The following FOXP2 variants were observed in gnomAD, a reference collection of about 807,000 sequenced individuals.
The protein encoded by FOXP2 is forkhead box protein P2.
Under a neutral mutation model 115.8 loss-of-function variants are expected in FOXP2, and 12 were observed. That is an observed-to-expected ratio of 0.10 (90% CI 0.07 to 0.17). The LOEUF (loss-of-function observed/expected upper bound fraction) is 0.17, where lower values mean the gene tolerates loss of function less well. Among genes scored for constraint, FOXP2 ranks in the 10% least tolerant of loss-of-function variants. FOXP2 has a pLI of 1.00. For synonymous variants in FOXP2, 328 were observed against 297.7 expected (o/e 1.10, Z -1.05); for missense variants, 629 against 843.5 (o/e 0.75, Z 3.15).
At chr7:114,351,197 G>T (rs1355601713) in intron 2 of FOXP2, among the ~76,000 whole-genome samples, 4 of 152,130 alleles carry the variant, frequency 2.6e-5, no homozygotes, top group Non-Finnish European at 5.9e-5. Context: ...GTTGCAATGG[G>T]ATTTGACCAA....
At chr7:114,286,201 C>T (rs1380294036) in intron 1 of FOXP2, among the ~76,000 whole-genome samples, 1 of 151,852 alleles carries the variant, frequency 6.6e-6, no homozygotes, top group Non-Finnish European at 1.5e-5. Context: ...ATAACACTCT[C>T]ATGTATGTAT....
At chr7:114,310,225 A>G (rs958366354) in intron 2 of FOXP2, among the ~76,000 whole-genome samples, 7 of 152,312 alleles carry the variant, frequency 4.6e-5, no homozygotes, top group East Asian at 3.9e-4. Flanking sequence ...TGAGGGACCA[A>G]TTGAGTTAGC....
chr7:114,273,139 T>A (rs191528442), intron 1 of FOXP2, among the ~76,000 whole-genome samples: 111 of 152,162 alleles, frequency 7.3e-4, no homozygotes, highest in African/African-American at 2.6e-3. Flanking sequence ...TAAGTTATAT[T>A]TTCATTTTCT....
chr7:114,304,821 G>A (rs551640277), intron 2 of FOXP2, among the ~76,000 whole-genome samples: 14 of 151,258 alleles, frequency 9.3e-5, no homozygotes, highest in African/African-American at 3.4e-4. Context: ...GTTCTCCTTT[G>A]CACATCCACA....
At chr7:114,293,805 A>C (rs1246761997) in intron 2 of FOXP2, among the ~76,000 whole-genome samples, 1 of 152,186 alleles carries the variant, frequency 6.6e-6, no homozygotes, top group African/African-American at 2.4e-5. Context: ...TGGAACTGTG[A>C]GTCAATTAAA....
rs564448805 is a variant in FOXP2, at chr7:114,432,801, A to T, written c.168+6122A>T. ...GACATATAGAGTTGTCGTCTACCAC[A>T]TGATGACACTAAAGATATATGATAT... is the stretch of plus-strand genomic sequence containing the variant. On this transcript the variant is annotated intron_variant, in intron 2 of 16. Coordinates refer to ENST00000350908, the MANE Select transcript of FOXP2 (RefSeq NM_014491.4). Among the ~76,000 whole-genome samples, 4 of 152,102 alleles carry T rather than the reference A, an allele frequency of 2.6e-5. No individual in the cohort carries two copies. In the South Asian group the frequency reaches 6.2e-4, roughly 24 times the overall value.
intron 10 of FOXP2, chr7:114,656,742 G>T: frequency 5.0e-6 from 1 of 198,552 alleles, no homozygotes; most frequent in Non-Finnish European, 1.1e-5. Context: ...TCTTCTGGCT[G>T]CTGCCCAAGA....
At chr7:114,518,625 C>T (rs1181372533) in intron 2 of FOXP2, among the ~76,000 whole-genome samples, 2 of 152,084 alleles carry the variant, frequency 1.3e-5, no homozygotes, top group African/African-American at 2.4e-5. Flanking sequence ...GCCTCAGTCT[C>T]CTGAGTAGCT....
chr7:114,669,792 T>C (rs889765766), intron 16 of FOXP2: 3 of 151,968 alleles, frequency 2.0e-5, no homozygotes, highest in African/African-American at 7.2e-5. Context: ...AGGCAAGAAG[T>C]GGAATTTAAT....
chr7:114,467,180 T>C (rs1196459800), intron 2 of FOXP2, among the ~76,000 whole-genome samples: 1 of 152,204 alleles, frequency 6.6e-6, no homozygotes, highest in African/African-American at 2.4e-5. Flanking sequence ...TTGTTTAATG[T>C]GTGGTTTTTT....
At chr7:114,131,567 A>G (rs986738363) in intron 1 of FOXP2, among the ~76,000 whole-genome samples, 4 of 152,132 alleles carry the variant, frequency 2.6e-5, no homozygotes, top group Non-Finnish European at 5.9e-5. Context: ...AAAAAAAAAG[A>G]AAAACATATG....
At chr7:114,086,546 G>C (rs768009434), upstream of FOXP2, 7 of 410,336 alleles carry the variant, frequency 1.7e-5, no homozygotes, top group Admixed American at 1.7e-4. Context: ...GTGTTGTTTG[G>C]GGGCTTCTGC....
At chr7:114,639,150 G>C (rs919054832) in intron 6 of FOXP2, among the ~76,000 whole-genome samples, 1 of 152,158 alleles carries the variant, frequency 6.6e-6, no homozygotes, top group African/African-American at 2.4e-5. Flanking sequence ...AACCATCTAA[G>C]AGTCTTAAAC....
upstream of FOXP2, among the ~76,000 whole-genome samples, chr7:114,161,697 TTTA>T (rs1461328472): frequency 5.3e-5 from 8 of 152,042 alleles, no homozygotes; most frequent in Non-Finnish European, 1.0e-4. Flanking sequence ...TGAATTCCAG[TTTA>T]TTATTTAGTG....
chr7:114,572,390 T>A (rs569712695), intron 3 of FOXP2, among the ~76,000 whole-genome samples: 2 of 151,826 alleles, frequency 1.3e-5, no homozygotes, highest in East Asian at 3.9e-4. Context: ...TGTAACAACA[T>A]TTGAAAGAAA....
At chr7:114,387,408 C>G (rs1297366743) in intron 2 of FOXP2, among the ~76,000 whole-genome samples, 1 of 152,164 alleles carries the variant, frequency 6.6e-6, no homozygotes, top group Non-Finnish European at 1.5e-5. Context: ...TAGTTCAGGA[C>G]TAGAATACAT....
At chr7:114,611,038 G>A (rs1333497454) in intron 3 of FOXP2, among the ~76,000 whole-genome samples, 1 of 152,122 alleles carries the variant, frequency 6.6e-6, no homozygotes, top group Non-Finnish European at 1.5e-5. Context: ...CTGTGTGTAA[G>A]ACATAAGAAA....
intron 1 of FOXP2, among the ~76,000 whole-genome samples, chr7:114,125,582 A>G (rs1201211529): frequency 6.6e-6 from 1 of 152,106 alleles, no homozygotes; most frequent in African/African-American, 2.4e-5. Context: ...AGAGATCTTA[A>G]AAATCCCCTC....
intron 2 of FOXP2, among the ~76,000 whole-genome samples, chr7:114,508,931 A>G (rs1288520483): frequency 6.6e-6 from 1 of 152,144 alleles, no homozygotes; most frequent in African/African-American, 2.4e-5. Context: ...GGACAAATCA[A>G]GCATATCTCT....
Sources: allele counts gnomAD v4.1 joint callset (sites outside exome capture counted in the v4.1 genomes callset), GRCh38; gene constraint gnomAD v4.1.1; transcripts MANE v1.5; gene names NCBI Gene and HGNC (gene_info 2026-07-23, HGNC 2026-07-21).